Variants in IGF2BP2 observed in about 807,000 individuals in gnomAD.
The protein encoded by IGF2BP2 is insulin-like growth factor 2 mRNA-binding protein 2.
IGF2BP2 carries 17 observed loss-of-function variants against 75.8 expected under a neutral mutation model. The ratio of observed to expected loss-of-function variants is 0.22; its 90% CI spans 0.15 to 0.34. The LOEUF (loss-of-function observed/expected upper bound fraction) is 0.34. Among genes scored for constraint, IGF2BP2 ranks in the 10% least tolerant of loss-of-function variants. The pLI is 1.00. For synonymous variants in IGF2BP2, 288 were observed against 295.6 expected, an observed-to-expected ratio of 0.97 and a Z score of 0.26; for missense variants, 516 against 772.4, an observed-to-expected ratio of 0.67 and a Z score of 3.93.
intron 2 of IGF2BP2, among the ~76,000 whole-genome samples, chr3:185,754,063 G>A (rs1731293086): frequency 6.6e-6 from 1 of 151,936 alleles, no homozygotes; most frequent in South Asian, 2.1e-4. Flanking sequence ...ACAAACATTA[G>A]CTGGGTGTTG....
intron 2 of IGF2BP2, among the ~76,000 whole-genome samples, chr3:185,789,369 C>T (rs937948190): frequency 2.6e-5 from 4 of 152,116 alleles, no homozygotes; most frequent in African/African-American, 9.7e-5. Flanking sequence ...CTAGGCTAGG[C>T]CAGTGACCAT....
chr3:185,649,844 T>C (rs796528433), intron 13 of IGF2BP2, among the ~76,000 whole-genome samples: 1 of 152,356 alleles, frequency 6.6e-6, no homozygotes, highest in South Asian at 2.1e-4. Flanking sequence ...GATGCAACTC[T>C]ATGTCTTATT....
chr3:185,756,103 G>A (rs552111405), intron 2 of IGF2BP2, among the ~76,000 whole-genome samples: 1 of 152,288 alleles, frequency 6.6e-6, no homozygotes, highest in South Asian at 2.1e-4. Context: ...GATCCTTCAT[G>A]AATGGCTTAG....
intron 2 of IGF2BP2, among the ~76,000 whole-genome samples, chr3:185,796,656 C>CA (rs1737459113): frequency 1.5e-5 from 2 of 133,882 alleles, no homozygotes; most frequent in African/African-American, 5.5e-5. Context: ...TAAGGTAATA[C>CA]AATAGACAAC....
intron 10 of IGF2BP2, among the ~76,000 whole-genome samples, chr3:185,671,521 G>C (rs1243494879): frequency 7.5e-6 from 1 of 133,984 alleles, no homozygotes; most frequent in Non-Finnish European, 1.5e-5. Flanking sequence ...TGGCGACAGA[G>C]CAAGACTCCA....
At chr3:185,693,856 T>G (rs1468339202) in intron 4 of IGF2BP2, among the ~76,000 whole-genome samples, 4 of 152,182 alleles carry the variant, frequency 2.6e-5, no homozygotes, top group African/African-American at 9.7e-5. Flanking sequence ...AATAAAACTC[T>G]ATAATATACG....
At chr3:185,794,666 A>C (rs998405762) in intron 2 of IGF2BP2, among the ~76,000 whole-genome samples, 9 of 148,520 alleles carry the variant, frequency 6.1e-5, no homozygotes, top group South Asian at 2.2e-4. Flanking sequence ...TAAAAAAAAA[A>C]CCCATAAAAT....
chr3:185,662,088 C>T (rs1016468756), intron 10 of IGF2BP2, among the ~76,000 whole-genome samples: 9 of 152,060 alleles, frequency 5.9e-5, no homozygotes, highest in South Asian at 2.1e-4. Flanking sequence ...ACGCCCTTGA[C>T]GGGTGCTATG....
intron 2 of IGF2BP2, among the ~76,000 whole-genome samples, chr3:185,715,187 G>T (rs1204365346): frequency 6.6e-6 from 1 of 152,200 alleles, no homozygotes; most frequent in East Asian, 1.9e-4. Flanking sequence ...GGTCGGGAAA[G>T]ATATTCTAAG....
rs150776702 is a variant in IGF2BP2, at chr3:185,792,706, C to T, written c.239+30447G>A. On this transcript the variant is annotated intron_variant, in intron 2 of 15. Transcript: ENST00000382199. ...GTTCGAACCCCGGAGGTGGAGGTTA[C>T]AGTGAGCCGAGATCATGCCACTGTA... 9.4e-3 allele frequency among the ~76,000 whole-genome samples: 1,391 copies of T among 147,258 alleles called. 23 individuals carry two copies. Among genetic ancestry groups the T allele is most frequent in the African/African-American group, 0.032 (1,253 of 39,628 alleles).
At chr3:185,789,675 A>C (rs1169457166) in intron 2 of IGF2BP2, among the ~76,000 whole-genome samples, 2 of 150,638 alleles carry the variant, frequency 1.3e-5, no homozygotes, top group Non-Finnish European at 1.5e-5. Context: ...AAAAAAAAAA[A>C]CCCCTTTTGC....
At chr3:185,773,274 A>G (rs902488657) in intron 2 of IGF2BP2, among the ~76,000 whole-genome samples, 1 of 152,192 alleles carries the variant, frequency 6.6e-6, no homozygotes, top group African/African-American at 2.4e-5. Flanking sequence ...GATAATTCCT[A>G]CTTGTCTATA....
chr3:185,682,561 T>C (rs1031656160), intron 7 of IGF2BP2, among the ~76,000 whole-genome samples: 3 of 152,164 alleles, frequency 2.0e-5, no homozygotes, highest in African/African-American at 7.2e-5. Context: ...CAAGAATACA[T>C]AAAGGACTCC....
At chr3:185,667,781 T>C (rs146010379) in intron 10 of IGF2BP2, among the ~76,000 whole-genome samples, 13 of 152,372 alleles carry the variant, frequency 8.5e-5, no homozygotes, top group African/African-American at 2.9e-4. Context: ...TTTGGCTTTA[T>C]TGAACTTTGC....
intron 2 of IGF2BP2, among the ~76,000 whole-genome samples, chr3:185,769,746 T>G (rs1360461012): frequency 1.3e-5 from 2 of 149,076 alleles, no homozygotes; most frequent in Non-Finnish European, 3.0e-5. Flanking sequence ...GAAGGATCGA[T>G]TGAGCCCAGG....
rs530092182 is a variant in IGF2BP2 at position 185,780,022 on chromosome 3, C to CA, written c.239+43130dup. Among the ~76,000 whole-genome samples the CA allele has an allele frequency of 5.3e-5, 8 of 152,252 alleles. No individual in the cohort carries two copies. The South Asian group carries it at 1.0e-3, about 20-fold the overall frequency. On this transcript the variant is annotated intron_variant, in intron 2 of 15. Transcript: ENST00000382199. ...AGGCAAATGGCAAAACAAACCAGTA[C>CA]AGACAGTAAACGGAGGCTAAAGTGA...
chr3:185,745,856 G>C (rs761273351), intron 2 of IGF2BP2, among the ~76,000 whole-genome samples: 1 of 151,968 alleles, frequency 6.6e-6, no homozygotes, highest in Non-Finnish European at 1.5e-5. Context: ...AAAATAATGA[G>C]CTGTGGGAAG....
chr3:185,666,673 G>A (rs1717687907), intron 10 of IGF2BP2, among the ~76,000 whole-genome samples: 3 of 151,812 alleles, frequency 2.0e-5, no homozygotes, highest in African/African-American at 7.3e-5. Context: ...AAGAAATTGA[G>A]AGAAATAACC....
In IGF2BP2 at chr3:185,698,712, T is replaced by C. The variant is rs1236034713; in HGVS notation, c.240-365A>G. The stretch of plus-strand genomic sequence containing the variant: ...GGCACGATCTTGGCTCACTGCAACC[T>C]CTGCCTCCCGGGTTCAAGCGATTCT... On this transcript the variant is annotated intron_variant, in intron 2 of 15. Coordinates refer to ENST00000382199, the MANE Select transcript of IGF2BP2 (RefSeq NM_006548.6). Among the ~76,000 whole-genome samples the C allele has an allele frequency of 2.0e-5, 3 of 152,140 alleles. No individual in the cohort carries two copies. The East Asian group carries it at 5.8e-4, about 29-fold the overall frequency.
Sources: allele counts gnomAD v4.1 joint callset (sites outside exome capture counted in the v4.1 genomes callset), GRCh38; gene constraint gnomAD v4.1.1; transcripts MANE v1.5; gene names NCBI Gene and HGNC (gene_info 2026-07-23, HGNC 2026-07-21).